COL6A1: variants seen among roughly 807,000 people sequenced by gnomAD.
COL6A1 encodes the protein collagen type VI alpha 1 chain, also known as collagen alpha-1(VI) chain.
In COL6A1, 80 loss-of-function variants were observed where a neutral mutation model predicts 145.6. The observed-to-expected ratio is 0.55, with a 90% CI of 0.46 to 0.66. The LOEUF (loss-of-function observed/expected upper bound fraction) is 0.66. Ranked by LOEUF, COL6A1 falls within the 30% of genes least tolerant of loss-of-function variation. The pLI is 0.00. For synonymous variants in COL6A1, 638 were observed against 622.8 expected (o/e 1.02, Z -0.36); for missense variants, 1,364 against 1,473.8 (o/e 0.93, Z 1.22).
At chr21:45,997,826 C>T in intron 22 of COL6A1, 64 bp downstream of exon 22, 4 of 1,509,716 alleles carry the variant, frequency 2.6e-6, no homozygotes, top group Non-Finnish European at 3.6e-6. Flanking sequence ...TGGGAAGCCC[C>T]AGCCCCGCAC....
At chr21:45,984,168 G>C (rs912632951) in intron 2 of COL6A1, 101 bp from the exon 3 acceptor site, 2 of 1,186,292 alleles carry the variant, frequency 1.7e-6, no homozygotes, top group South Asian at 1.3e-5. Flanking sequence ...CCACGGCCAG[G>C]GTGGGGCAGC....
Position 46,002,358 on chromosome 21 carries a change from G to A in COL6A1, c.2207G>A (p.Arg736Lys). Residue 736 changes from arginine to lysine, a missense_variant, in exon 32 of 35, where the codon AGG (arginine) becomes AAG (lysine). Physicochemically the swap from Arg to Lys is conservative, Grantham distance 26 (BLOSUM62 2). This residue lies in a region of COL6A1 where 938 missense variants were observed against 1,003.8 expected (regional missense o/e 0.93). Transcript: ENST00000361866. The part of the protein sequence containing the change: ...VITDGRSDTQ[R>K]DTTPLNVLCS... The stretch of plus-strand genomic sequence containing the variant: ...ACTGACGGGCGCTCAGACACTCAGA[G>A]GGACACCACACCGCTCAACGTGCTC... 6 of 1,593,604 alleles carry A rather than the reference G, an allele frequency of 3.8e-6. No homozygotes were observed. Among genetic ancestry groups the A allele is most frequent in the Non-Finnish European group, 5.1e-6 (6 of 1,170,674 alleles).
chr21:45,984,226 C>G (rs1476218406), intron 2 of COL6A1, 43 bp from the exon 3 acceptor site: 1 of 1,561,072 alleles, frequency 6.4e-7, no homozygotes, highest in Admixed American at 1.9e-5. Flanking sequence ...GCGATGGCGC[C>G]AGGGGCCGCC....
In COL6A1 at chr21:45,999,663, C is replaced by A; in HGVS notation, c.1747C>A (p.Pro583Thr). ...TACTCCGTTTCTCGGACAGGGACCC[C>A]CAGGACACCAAGGACCGCCTGGGCC... ...YRGPEGPQGP[P>T]GHQGPPGPDE... The change falls in exon 27 of 35, where the codon CCA (proline) becomes ACA (threonine). Residue 583 changes from proline to threonine, a missense_variant. Pro to Thr is a conservative substitution (Grantham distance 38). This residue lies in a region of COL6A1 where 938 missense variants were observed against 1,003.8 expected (regional missense o/e 0.93). Coordinates refer to ENST00000361866, the MANE Select transcript of COL6A1 (RefSeq NM_001848.3). 1 of 1,613,486 alleles carries A rather than the reference C, an allele frequency of 6.2e-7. No individual in the cohort carries two copies. Among genetic ancestry groups the A allele is most frequent in the Non-Finnish European group, 8.5e-7 (1 of 1,179,908 alleles).
chr21:46,004,197 C>A lies in COL6A1; in HGVS notation c.*184C>A. ...TTGTGCAGGGTCCTCCGGGGCTCAGCCCTGAGTTGGCATCACCTGCGCAGG... is the reference window on the plus strand; with the variant it reads ...TTGTGCAGGGTCCTCCGGGGCTCAGACCTGAGTTGGCATCACCTGCGCAGG... On this transcript the variant is annotated 3_prime_UTR_variant, in exon 35 of 35. Transcript: ENST00000361866. 3 of 820,442 alleles carry A rather than the reference C, an allele frequency of 3.7e-6. 1 individual carries two copies. Among genetic ancestry groups the A allele is most frequent in the South Asian group, 1.7e-5 (1 of 57,208 alleles). 50.8% of individuals were successfully genotyped at this position (820,442 alleles called of 1,614,324 possible). A position where few individuals can be genotyped will look rare whatever the true frequency, so the allele number is the denominator to read the frequency against.
intron 2 of COL6A1, among the ~76,000 whole-genome samples, 190 bp from the exon 3 acceptor site, chr21:45,984,079 C>A (rs1161217774): frequency 1.3e-5 from 2 of 152,316 alleles, no homozygotes; most frequent in African/African-American, 4.8e-5. Flanking sequence ...GCGCAGGTCG[C>A]TTGCTGGCCA....
intron 20 of COL6A1, 37 bp from the exon 21 acceptor site, chr21:45,997,384 G>T: frequency 1.2e-6 from 2 of 1,600,840 alleles, no homozygotes; most frequent in Non-Finnish European, 1.7e-6. Context: ...GCTGGGTGAG[G>T]CCTGTGGTCC....
At position 45,999,213 on chromosome 21, in the gene COL6A1, C is replaced by T. The variant is rs1470919361; in HGVS notation, c.1735C>T (p.Pro579Ser). ...GAKGYRGPEG[P>S]QGPPGHQGPP... ...AAAGGGGTACCGGGGTCCCGAGGGC[C>T]CCCAGGTGGGTGGATGTGGCTGGGT... The change falls in exon 26 of 35, where the codon CCC (proline) becomes TCC (serine). Residue 579 changes from proline (P) to serine (S), a missense_variant. Coordinates refer to ENST00000361866, the MANE Select transcript of COL6A1 (RefSeq NM_001848.3). The T allele has an allele frequency of 4.4e-6, 7 of 1,597,256 alleles. No individual in the cohort carries two copies. Among genetic ancestry groups the T allele is most frequent in the Admixed American group, 1.7e-5 (1 of 57,486 alleles).
rs145876548 is a variant in COL6A1, at chr21:45,997,461, A to G, written c.1439A>G (p.Asp480Gly). ...ATCGGACCTAAAGGCTACCGAGGCGATGAGGGTCCCCCAGGGTCCGAGGTG... is the reference window on the plus strand; with the variant it reads ...ATCGGACCTAAAGGCTACCGAGGCGGTGAGGGTCCCCCAGGGTCCGAGGTG... ...GPIGPKGYRG[D>G]EGPPGSEGAR... The change falls in exon 21 of 35, where the codon GAT becomes GGT. Residue 480 changes from aspartate to glycine, a missense_variant. Physicochemically the swap from Asp to Gly is moderately conservative, Grantham distance 94. Around this residue, in one of 3 missense-constraint regions of COL6A1, gnomAD observed 938 missense variants for 1,003.8 expected, o/e 0.93. Transcript: ENST00000361866. The G allele has an allele frequency of 3.1e-6, 5 of 1,612,568 alleles. No homozygotes were observed. In the African/African-American group the frequency reaches 6.7e-5, roughly 22 times the overall value.
rs755340450 is a variant in COL6A1, at chr21:46,003,694, T to G, written c.2768T>G (p.Val923Gly). 62 of 1,612,984 alleles carry G rather than the reference T, an allele frequency of 3.8e-5. 3 individuals carry two copies. The South Asian group carries it at 6.8e-4, about 18-fold the overall frequency. ...ATDVNDALGY[V>G]TRFYREASSG... Reference sequence around the variant, plus strand: ...GACGTCAACGATGCCCTGGGCTATGTGACCCGCTTCTACCGCGAGGCCTCG... The same window carrying G: ...GACGTCAACGATGCCCTGGGCTATGGGACCCGCTTCTACCGCGAGGCCTCG... Residue 923 changes from valine (V) to glycine (G), a missense_variant, in exon 35 of 35, where the codon GTG (valine) becomes GGG (glycine). Around this residue, in one of 3 missense-constraint regions of COL6A1, gnomAD observed 938 missense variants for 1,003.8 expected, o/e 0.93. Transcript: ENST00000361866.
chr21:45,987,792 GGGT>G, intron 8 of COL6A1, 138 bp downstream of exon 8: 3 of 498,842 alleles, frequency 6.0e-6, no homozygotes, highest in Admixed American at 4.2e-5. Flanking sequence ...GGGACGGCGG[GGGT>G]CCAGATGGAG....
intron 8 of COL6A1, among the ~76,000 whole-genome samples, chr21:45,988,574 C>G (rs747206673): frequency 1.2e-4 from 18 of 152,138 alleles, no homozygotes; most frequent in Non-Finnish European, 2.2e-4. Flanking sequence ...TCTGTCCGCC[C>G]TGCCCTCAGC....
chr21:45,982,624 C>T lies in COL6A1; in HGVS notation c.98-10C>T. On this transcript the variant is annotated splice_polypyrimidine_tract_variant and intron_variant, in intron 1 of 34. Coordinates refer to ENST00000361866, the MANE Select transcript of COL6A1 (RefSeq NM_001848.3). The stretch of plus-strand genomic sequence containing the variant: ...GAGCTTGAAGGCCCCTCTCCTCCAT[C>T]TTCGGCCAGACTGCCCCGTGGACCT... The T allele has an allele frequency of 6.2e-7, 1 of 1,612,842 alleles. No individual in the cohort carries two copies. The highest frequency in any genetic ancestry group is 1.1e-5 in the South Asian group (1 of 91,090).
intron 23 of COL6A1, 91 bp from the exon 24 acceptor site, chr21:45,998,307 T>G: frequency 6.3e-7 from 1 of 1,594,376 alleles, no homozygotes; most frequent in Non-Finnish European, 8.6e-7. Flanking sequence ...TGGCCGGGAT[T>G]CTGTCAGCTC....
chr21:46,002,429 T>G (rs757420804), intron 32 of COL6A1, 28 bp downstream of exon 32: 53 of 1,611,344 alleles, frequency 3.3e-5, no homozygotes, highest in Middle Eastern at 1.6e-4. Context: ...AGGCTGCACC[T>G]GCCCCGCCTA....
At chr21:45,985,171 CAGAGACAG>C (rs3054101) in intron 3 of COL6A1, among the ~76,000 whole-genome samples, 70,233 of 148,814 alleles carry the variant, frequency 0.47, 17,899 homozygotes, top group East Asian at 0.77. Flanking sequence ...CAGAAACATA[CAGAGACAG>C]AGAGACAGAG....
chr21:45,997,438 C>T lies in COL6A1; in HGVS notation c.1416C>T (p.Ile472=), dbSNP rs761232584. ...CTCTACAGGGCGAGGCTGGCCCTATCGGACCTAAAGGCTACCGAGGCGATG... is the reference window on the plus strand; with the variant it reads ...CTCTACAGGGCGAGGCTGGCCCTATTGGACCTAAAGGCTACCGAGGCGATG... ...VPGDPGEAGP[I]GPKGYRGDEG... is the part of the protein sequence containing the mutation. Residue 472 remains isoleucine, a synonymous_variant, in exon 21 of 35, where the codon ATC becomes ATT. Coordinates refer to ENST00000361866, the MANE Select transcript of COL6A1 (RefSeq NM_001848.3). The T allele has an allele frequency of 3.3e-5, 53 of 1,612,756 alleles. No individual in the cohort carries two copies. In the South Asian group the frequency reaches 4.7e-4, roughly 14 times the overall value.
At chr21:46,002,878 G>A (rs538677837) in intron 33 of COL6A1, among the ~76,000 whole-genome samples, 168 bp downstream of exon 33, 64 of 151,726 alleles carry the variant, frequency 4.2e-4, no homozygotes, top group Non-Finnish European at 7.1e-4. Flanking sequence ...GTAGGTGCGC[G>A]CAGGCGCCCA....
intron 34 of COL6A1, 73 bp downstream of exon 34, chr21:46,003,222 G>T (rs1002134919): frequency 6.2e-7 from 1 of 1,610,016 alleles, no homozygotes; most frequent in Non-Finnish European, 8.5e-7. Flanking sequence ...GAGAGGACGG[G>T]GCTCTGGGAG....
Sources: allele counts gnomAD v4.1 joint callset (sites outside exome capture counted in the v4.1 genomes callset), GRCh38; gene constraint gnomAD v4.1.1; regional missense constraint gnomAD v4.1.1; transcripts MANE v1.5; gene names NCBI Gene and HGNC (gene_info 2026-07-23, HGNC 2026-07-21).